MIPOL1: variants seen among roughly 807,000 people sequenced by gnomAD.
MIPOL1 encodes mirror-image polydactyly 1.
Under a neutral mutation model 60.9 loss-of-function variants are expected in MIPOL1, and 57 were observed. The ratio of observed to expected loss-of-function variants is 0.94; its 90% confidence interval spans 0.76 to 1.17. The LOEUF (loss-of-function observed/expected upper bound fraction) is 1.17, where lower values mean the gene tolerates loss of function less well. Among genes scored for constraint, MIPOL1 ranks in the 50% most tolerant of loss-of-function variants. The pLI is 0.00. For missense variants in MIPOL1, 551 were observed against 511.6 expected, an observed-to-expected ratio of 1.08 and a Z score of -0.74; for synonymous variants, 179 against 168.8, an observed-to-expected ratio of 1.06 and a Z score of -0.47.
At chr14:37,356,811 A>T (rs1334924672) in intron 9 of MIPOL1, among the ~76,000 whole-genome samples, 2 of 152,034 alleles carry the variant, frequency 1.3e-5, no homozygotes, top group African/African-American at 4.8e-5. Flanking sequence ...ACTGTCTGGC[A>T]GTCCCTAGTG....
rs556622231 is a variant in MIPOL1 at position 37,549,368 on chromosome 14, C to T, written c.*2397C>T. 2.8e-4 allele frequency: 43 copies of T among 151,594 alleles called. 1 individual carries two copies. In the South Asian group the frequency reaches 8.9e-3, roughly 32 times the overall value. 9.4% of individuals were successfully genotyped at this position (151,594 alleles called of 1,614,324 possible). A position where few individuals can be genotyped will look rare whatever the true frequency, so the allele number is the denominator to read the frequency against. On this transcript the variant is annotated 3_prime_UTR_variant, in exon 13 of 13. Coordinates refer to ENST00000684589, the MANE Select transcript of MIPOL1 (RefSeq NM_001388067.1). ...TTTTACATCTGTTTTTTCATTTGAT[C>T]CTATCGACAATCATAATAATAATAA...
Position 37,308,599 on chromosome 14 carries a change from C to G in MIPOL1, c.828+80C>G, listed in dbSNP as rs571739822. 28 of 1,036,850 alleles carry G rather than the reference C, an allele frequency of 2.7e-5. No homozygotes were observed. The African/African-American group carries it at 4.1e-4, about 15-fold the overall frequency. 64.2% of individuals were successfully genotyped at this position (1,036,850 alleles called of 1,614,324 possible). A position where few individuals can be genotyped will look rare whatever the true frequency, so the allele number is the denominator to read the frequency against. On this transcript the variant is annotated intron_variant, in intron 9 of 12. Coordinates refer to ENST00000684589, the MANE Select transcript of MIPOL1 (RefSeq NM_001388067.1). ...TTTAACCATTAAAAACTGACTTTGG[C>G]CCAGATATTCTTAATTCACATTAAT... is the stretch of plus-strand genomic sequence containing the variant.
intron 6 of MIPOL1, among the ~76,000 whole-genome samples, chr14:37,280,869 G>A (rs867004280): frequency 2.6e-5 from 4 of 152,096 alleles, no homozygotes; most frequent in African/African-American, 9.7e-5. Context: ...ATGTTGGTCA[G>A]GCTAATTGTT....
chr14:37,294,175 C>T (rs1335065657), intron 7 of MIPOL1, among the ~76,000 whole-genome samples: 1 of 152,154 alleles, frequency 6.6e-6, no homozygotes, highest in African/African-American at 2.4e-5. Context: ...CTGCAGCCAC[C>T]ACTGCTGATA....
At chr14:37,360,063 A>G (rs549016452) in intron 9 of MIPOL1, among the ~76,000 whole-genome samples, 7 of 152,282 alleles carry the variant, frequency 4.6e-5, no homozygotes, top group Non-Finnish European at 8.8e-5. Context: ...CCTTTTCTGC[A>G]TCTAATGAGA....
intron 1 of MIPOL1, among the ~76,000 whole-genome samples, chr14:37,233,880 A>G (rs1015366223): frequency 6.6e-6 from 1 of 152,194 alleles, no homozygotes; most frequent in Admixed American, 6.5e-5. Flanking sequence ...CGAACATCTT[A>G]AAAAACTGTT....
At chr14:37,286,892 C>T (rs1029507208) in intron 7 of MIPOL1, among the ~76,000 whole-genome samples, 9 of 152,042 alleles carry the variant, frequency 5.9e-5, no homozygotes, top group Non-Finnish European at 1.2e-4. Flanking sequence ...AACATCATTA[C>T]CTAGAAGGAT....
intron 10 of MIPOL1, among the ~76,000 whole-genome samples, chr14:37,371,665 C>T (rs898911171): frequency 2.6e-5 from 4 of 152,084 alleles, no homozygotes; most frequent in Non-Finnish European, 5.9e-5. Context: ...TCTTGCATAA[C>T]ACTGACTGAA....
chr14:37,479,234 A>G (rs1041763352), intron 11 of MIPOL1, among the ~76,000 whole-genome samples: 1 of 152,156 alleles, frequency 6.6e-6, no homozygotes, highest in African/African-American at 2.4e-5. Flanking sequence ...TCCAACAGGA[A>G]CACAATACAC....
intron 7 of MIPOL1, among the ~76,000 whole-genome samples, chr14:37,297,462 AG>A (rs2085855674): frequency 6.6e-6 from 1 of 152,168 alleles, no homozygotes; most frequent in South Asian, 2.1e-4. Context: ...CAGGGCAATC[AG>A]GCAGGAGAAG....
At chr14:37,361,223 A>G (rs1281721081) in intron 9 of MIPOL1, among the ~76,000 whole-genome samples, 2 of 152,156 alleles carry the variant, frequency 1.3e-5, no homozygotes, top group African/African-American at 2.4e-5. Context: ...ATGCTAAGGA[A>G]TTCTTTACTT....
chr14:37,482,836 T>C (rs1566686867), intron 11 of MIPOL1, among the ~76,000 whole-genome samples: 1 of 152,140 alleles, frequency 6.6e-6, no homozygotes, highest in Admixed American at 6.6e-5. Flanking sequence ...CCTTGTATAC[T>C]CTCAGTGGGA....
intron 11 of MIPOL1, among the ~76,000 whole-genome samples, chr14:37,447,097 A>AAATAG (rs2094349103): frequency 6.6e-6 from 1 of 151,904 alleles, no homozygotes; most frequent in African/African-American, 2.4e-5. Context: ...AAATAAAATA[A>AAATAG]TAAAAAAAGA....
intron 9 of MIPOL1, among the ~76,000 whole-genome samples, chr14:37,317,851 C>T (rs1484496008): frequency 6.6e-6 from 1 of 152,124 alleles, no homozygotes; most frequent in Non-Finnish European, 1.5e-5. Context: ...TATTTTATCA[C>T]ACAGTCAGTA....
chr14:37,544,829 G>T (rs1594943068), intron 12 of MIPOL1, among the ~76,000 whole-genome samples: 1 of 152,182 alleles, frequency 6.6e-6, no homozygotes, highest in African/African-American at 2.4e-5. Context: ...TGCAAAACAT[G>T]ATATTTAACT....
rs56361320 is a variant in MIPOL1 at position 37,394,057 on chromosome 14, CATATATATATATAT to C, written c.936+24448_936+24461del. 1.9e-4 allele frequency among the ~76,000 whole-genome samples: 14 copies of C among 73,300 alleles called. 1 individual carries two copies. Among genetic ancestry groups the C allele is most frequent in the Non-Finnish European group, 3.5e-4 (13 of 37,174 alleles). The allele number at this position is 73,300 out of a possible 152,430, so 48.1% of individuals were successfully genotyped here. A position where few individuals can be genotyped will look rare whatever the true frequency, so the allele number is the denominator to read the frequency against. ...ATTCCTTTTTATGGCTTAGTAGTGG[CATATATATATATAT>C]ATATATATATATATCTCCATGTTCT... is the stretch of plus-strand genomic sequence containing the variant. On this transcript the variant is annotated intron_variant, in intron 10 of 12. Coordinates refer to ENST00000684589, the MANE Select transcript of MIPOL1 (RefSeq NM_001388067.1).
At chr14:37,543,420 C>A (rs560669599) in intron 12 of MIPOL1, among the ~76,000 whole-genome samples, 1 of 152,130 alleles carries the variant, frequency 6.6e-6, no homozygotes, top group African/African-American at 2.4e-5. Context: ...GGATTACAGG[C>A]ATGTGCCACC....
chr14:37,518,648 A>G (rs1168639711), intron 12 of MIPOL1, among the ~76,000 whole-genome samples: 3 of 152,152 alleles, frequency 2.0e-5, no homozygotes, highest in Admixed American at 2.0e-4. Flanking sequence ...TTTTAAATAT[A>G]TACATATTTT....
intron 9 of MIPOL1, among the ~76,000 whole-genome samples, chr14:37,359,682 C>T (rs560816482): frequency 3.9e-4 from 59 of 152,198 alleles, no homozygotes; most frequent in African/African-American, 1.3e-3. Context: ...GATTTTGTAT[C>T]CTGAGAATTT....
Sources: gnomAD v4.1 joint callset for allele counts (sites outside exome capture counted in the v4.1 genomes callset) on GRCh38, gnomAD v4.1.1 for gene constraint, MANE v1.5 for transcripts, NCBI Gene and HGNC (gene_info 2026-07-23, HGNC 2026-07-21) for gene names.